The following CSNK1G2 variants were observed in gnomAD, a reference collection of about 807,000 sequenced individuals.
CSNK1G2 encodes the protein casein kinase 1 gamma 2, also known as casein kinase I isoform gamma-2.
CSNK1G2 carries 11 observed loss-of-function variants against 48.0 expected under a neutral mutation model. That is an observed-to-expected ratio of 0.23 (90% confidence interval 0.14 to 0.38). CSNK1G2 has a LOEUF of 0.38. CSNK1G2 is among the 10% of genes least tolerant of loss of function. The pLI, the probability that CSNK1G2 is intolerant of heterozygous loss-of-function variation, is 1.00. For synonymous variants in CSNK1G2, 337 were observed against 254.1 expected (o/e 1.33, Z -3.10); for missense variants, 446 against 595.5 (o/e 0.75, Z 2.61).
intron 2 of CSNK1G2, among the ~76,000 whole-genome samples, chr19:1,970,923 G>C (rs1024110173): frequency 6.6e-6 from 1 of 152,206 alleles, no homozygotes; most frequent in African/African-American, 2.4e-5. Flanking sequence ...CACTCAGCCC[G>C]ATGAGGTTGT....
intron 1 of CSNK1G2, among the ~76,000 whole-genome samples, chr19:1,949,347 G>A (rs886229822): frequency 2.6e-5 from 4 of 152,280 alleles, no homozygotes; most frequent in African/African-American, 9.6e-5. Flanking sequence ...CCTACTTTCT[G>A]GCTCTGTGAC....
At chr19:1,944,612 G>C (rs1599276024) in intron 1 of CSNK1G2, among the ~76,000 whole-genome samples, 1 of 152,282 alleles carries the variant, frequency 6.6e-6, no homozygotes, top group East Asian at 1.9e-4. Context: ...GCTCTGTCCA[G>C]AGGGCTGTGC....
At chr19:1,958,925 C>G (rs1202259701) in intron 1 of CSNK1G2, among the ~76,000 whole-genome samples, 2 of 109,484 alleles carry the variant, frequency 1.8e-5, no homozygotes, top group Non-Finnish European at 3.7e-5. Flanking sequence ...CGTCCAGGGC[C>G]ACAGCAGCCG....
chr19:1,951,245 T>C (rs1372624293), intron 1 of CSNK1G2, among the ~76,000 whole-genome samples: 2 of 143,260 alleles, frequency 1.4e-5, no homozygotes, highest in Non-Finnish European at 3.0e-5. Flanking sequence ...CTAAAAAAAA[T>C]ACAAAAAATT....
At chr19:1,974,349 C>T (rs1849153483) in intron 2 of CSNK1G2, among the ~76,000 whole-genome samples, 4 of 152,174 alleles carry the variant, frequency 2.6e-5, no homozygotes, top group Admixed American at 2.6e-4. Context: ...GCTGGATTCG[C>T]CCTTTAGTCA....
chr19:1,954,127 CGT>C, intron 1 of CSNK1G2: 1 of 446,728 alleles, frequency 2.2e-6, no homozygotes, highest in Non-Finnish European at 4.6e-6. Flanking sequence ...GCACCTGATG[CGT>C]TAAACCCATT....
intron 1 of CSNK1G2, among the ~76,000 whole-genome samples, chr19:1,948,838 C>T (rs1023646415): frequency 3.2e-4 from 49 of 152,222 alleles, no homozygotes; most frequent in Non-Finnish European, 4.0e-4. Flanking sequence ...ACACGTGGTC[C>T]GCGCACACAT....
At chr19:1,959,062 T>C (rs1317597003) in intron 1 of CSNK1G2, among the ~76,000 whole-genome samples, 1 of 151,024 alleles carries the variant, frequency 6.6e-6, no homozygotes, top group East Asian at 2.0e-4. Context: ...TATTAATAAC[T>C]GAGGTGTGAC....
rs936177115 is a variant in CSNK1G2 at position 1,950,361 on chromosome 19, G to A, written c.-266+8943G>A. On this transcript the variant is annotated intron_variant, in intron 1 of 11. Transcript: ENST00000255641. The stretch of plus-strand genomic sequence containing the variant: ...TCACTGTGTTTGCCAGGATGGTCTT[G>A]ATCTCCAGACCTCGTGATCCGCCCT... Among the ~76,000 whole-genome samples the A allele has an allele frequency of 1.6e-4, 24 of 146,460 alleles. 2 individuals are homozygous for A. The highest frequency in any genetic ancestry group is 2.2e-4 in the South Asian group (1 of 4,570).
At chr19:1,956,934 G>T (rs189960846) in intron 1 of CSNK1G2, among the ~76,000 whole-genome samples, 1 of 152,214 alleles carries the variant, frequency 6.6e-6, no homozygotes, top group Non-Finnish European at 1.5e-5. Context: ...CATCACTCAG[G>T]GTTTCTCAGC....
In CSNK1G2 at chr19:1,979,804, GGGACAAAACCCA is replaced by G. The variant is rs772788991; in HGVS notation, c.1057_1068del (p.Asp353_Gln356del). ...GACCTGCCCTCCCAGCCTCAGCTCC[GGGACAAAACCCA>G]GCCGCACAGCAAAAACCAGGTGAGG... On this transcript the variant is annotated inframe_deletion, in exon 10 of 12. Coordinates refer to ENST00000255641, the MANE Select transcript of CSNK1G2 (RefSeq NM_001319.7). 5.0e-6 allele frequency: 8 copies of G among 1,607,140 alleles called. No individual in the cohort carries two copies. The highest frequency in any genetic ancestry group is 6.8e-6 in the Non-Finnish European group (8 of 1,178,206).
chr19:1,977,537 G>A (rs537869506), intron 2 of CSNK1G2, among the ~76,000 whole-genome samples: 2 of 152,160 alleles, frequency 1.3e-5, no homozygotes, highest in Non-Finnish European at 2.9e-5. Context: ...CAGATCGCTT[G>A]AGCTCAGGAG....
At chr19:1,944,209 C>T (rs970469256) in intron 1 of CSNK1G2, among the ~76,000 whole-genome samples, 14 of 152,072 alleles carry the variant, frequency 9.2e-5, no homozygotes, top group Admixed American at 6.5e-5. Flanking sequence ...CCCCATCCCG[C>T]GGATCTGCAG....
intron 2 of CSNK1G2, among the ~76,000 whole-genome samples, chr19:1,977,884 C>T (rs906049663): frequency 1.3e-5 from 2 of 152,184 alleles, no homozygotes; most frequent in African/African-American, 4.8e-5. Flanking sequence ...CCATGTGGGC[C>T]ACAGGTCCCT....
At chr19:1,948,110 G>A (rs540412749) in intron 1 of CSNK1G2, among the ~76,000 whole-genome samples, 1 of 152,192 alleles carries the variant, frequency 6.6e-6, no homozygotes, top group East Asian at 1.9e-4. Context: ...CCCCGCCCTG[G>A]GCTCAGACTT....
rs555787440 is a variant in CSNK1G2 at position 1,975,184 on chromosome 19, G to A, written c.188-3121G>A. ...GCTTCAAAGGCCCGCCCATCAAGACGCTGCCAAGAGCATGAGGCCAGCCAG... is the reference window on the plus strand; with the variant it reads ...GCTTCAAAGGCCCGCCCATCAAGACACTGCCAAGAGCATGAGGCCAGCCAG... On this transcript the variant is annotated intron_variant, in intron 2 of 11. Transcript: ENST00000255641. 20 of 985,472 alleles carry A rather than the reference G, an allele frequency of 2.0e-5. No individual in the cohort carries two copies. The East Asian group carries it at 9.1e-4, about 45-fold the overall frequency. 61.0% of individuals were successfully genotyped at this position (985,472 alleles called of 1,614,324 possible). A position where few individuals can be genotyped will look rare whatever the true frequency, so the allele number is the denominator to read the frequency against.
chr19:1,967,821 G>C (rs12980326), intron 1 of CSNK1G2, among the ~76,000 whole-genome samples: 3 of 22,840 alleles, frequency 1.3e-4, no homozygotes, highest in African/African-American at 8.1e-4. Context: ...GGCTGCCCCC[G>C]ACCACCCTTC....
chr19:1,959,917 A>C (rs115682501), intron 1 of CSNK1G2, among the ~76,000 whole-genome samples: 4 of 141,406 alleles, frequency 2.8e-5, no homozygotes, highest in African/African-American at 1.0e-4. Flanking sequence ...CTGGGTCCCC[A>C]CATCCCTGGC....
At chr19:1,944,458 G>A (rs1231363529) in intron 1 of CSNK1G2, among the ~76,000 whole-genome samples, 3 of 152,330 alleles carry the variant, frequency 2.0e-5, no homozygotes, top group East Asian at 1.9e-4. Flanking sequence ...CTTGGGTAGA[G>A]GAGAAGGTGG....
Sources: allele counts gnomAD v4.1 joint callset (sites outside exome capture counted in the v4.1 genomes callset), GRCh38; gene constraint gnomAD v4.1.1; transcripts MANE v1.5; gene names NCBI Gene and HGNC (gene_info 2026-07-23, HGNC 2026-07-21).